Variants in MALRD1 observed in about 807,000 individuals in gnomAD.
MALRD1 encodes the protein MAM and LDL-receptor class A domain-containing protein 1.
Under a neutral mutation model 242.1 loss-of-function variants are expected in MALRD1, and 247 were observed. That is an observed-to-expected ratio of 1.02 (90% CI 0.92 to 1.13). The LOEUF is 1.13. Among genes scored for constraint, MALRD1 ranks in the 50% most tolerant of loss-of-function variants. The pLI, the probability that MALRD1 is intolerant of heterozygous loss-of-function variation, is 0.00. For synonymous variants in MALRD1, 995 were observed against 866.6 expected, an observed-to-expected ratio of 1.15 and a Z score of -2.60; for missense variants, 2,989 against 2,533.1, an observed-to-expected ratio of 1.18 and a Z score of -3.86.
chr10:19,083,071 A>G (rs1835545423), intron 2 of MALRD1, among the ~76,000 whole-genome samples: 1 of 151,982 alleles, frequency 6.6e-6, no homozygotes, highest in Non-Finnish European at 1.5e-5. Context: ...AAATCCATCC[A>G]TGAGGACTCT....
At chr10:19,687,775 CTT>C (rs937686066) in intron 36 of MALRD1, among the ~76,000 whole-genome samples, 20 of 152,138 alleles carry the variant, frequency 1.3e-4, no homozygotes, top group African/African-American at 4.8e-4. Context: ...ACTGAAATAA[CTT>C]TTGCACCAAT....
intron 28 of MALRD1, among the ~76,000 whole-genome samples, chr10:19,409,248 G>T (rs1313030372): frequency 3.3e-5 from 5 of 152,120 alleles, no homozygotes; most frequent in African/African-American, 7.2e-5. Context: ...CTAATTTTTT[G>T]ATTCCATTCA....
At chr10:19,580,519 T>G (rs1310506700) in intron 33 of MALRD1, among the ~76,000 whole-genome samples, 1 of 152,138 alleles carries the variant, frequency 6.6e-6, no homozygotes, top group Non-Finnish European at 1.5e-5. Flanking sequence ...AAACTCCTCT[T>G]TTATTAGTGA....
chr10:19,369,741 G>A (rs1182523279), intron 26 of MALRD1, among the ~76,000 whole-genome samples: 1 of 151,208 alleles, frequency 6.6e-6, no homozygotes, highest in Admixed American at 6.6e-5. Context: ...TTCCTCTATG[G>A]AGTATCTGTT....
intron 28 of MALRD1, among the ~76,000 whole-genome samples, chr10:19,438,617 C>A (rs1019572409): frequency 2.6e-5 from 4 of 152,102 alleles, no homozygotes; most frequent in African/African-American, 9.7e-5. Flanking sequence ...ACATTCTTAC[C>A]AACGTGCACA....
chr10:19,139,731 T>G (rs1833475964), intron 10 of MALRD1, among the ~76,000 whole-genome samples: 1 of 152,162 alleles, frequency 6.6e-6, no homozygotes. Flanking sequence ...TGGGTTTTGC[T>G]GCAGCAGCAG....
In MALRD1 at chr10:19,588,500, A is replaced by AG. The variant is rs139376067; in HGVS notation, c.5681-6694_5681-6693insG. 2.6e-3 allele frequency among the ~76,000 whole-genome samples: 395 copies of AG among 152,328 alleles called. 6 individuals carry two copies. In the East Asian group the frequency reaches 0.058, roughly 23 times the overall value. ...GGAAAACCTGAGTAAAGACCTGGTG[A>AG]AGTTGCTGTTGTAGTGATGCAATTA... is the stretch of plus-strand genomic sequence containing the variant. On this transcript the variant is annotated intron_variant, in intron 33 of 39. Transcript: ENST00000454679.
intron 5 of MALRD1, among the ~76,000 whole-genome samples, chr10:19,113,290 C>T (rs893117575): frequency 6.6e-6 from 1 of 152,064 alleles, no homozygotes; most frequent in Non-Finnish European, 1.5e-5. Context: ...TTTCAGTAGT[C>T]CAATGTCCTC....
chr10:19,279,917 A>T (rs1403830123), intron 19 of MALRD1, 130 bp from the exon 20 acceptor site: 3 of 599,976 alleles, frequency 5.0e-6, no homozygotes, highest in Non-Finnish European at 7.7e-6. Context: ...TTAGCAGAGT[A>T]GCTGATACTA....
At chr10:19,377,899 G>A (rs1378318237) in intron 26 of MALRD1, among the ~76,000 whole-genome samples, 1 of 152,000 alleles carries the variant, frequency 6.6e-6, no homozygotes, top group Non-Finnish European at 1.5e-5. Context: ...GCTTTGCCCA[G>A]TTCTATGAAA....
intron 26 of MALRD1, among the ~76,000 whole-genome samples, chr10:19,372,503 C>G (rs916144459): frequency 3.3e-5 from 5 of 151,140 alleles, no homozygotes; most frequent in East Asian, 3.9e-4. Context: ...GAGTTTCACT[C>G]TGTCACCCAG....
intron 25 of MALRD1, among the ~76,000 whole-genome samples, chr10:19,348,560 G>T (rs1844230632): frequency 1.3e-5 from 2 of 152,060 alleles, no homozygotes; most frequent in South Asian, 2.1e-4. Flanking sequence ...AACATGACTT[G>T]GTCATTAGCC....
At chr10:19,601,904 T>A (rs1838359892) in intron 34 of MALRD1, among the ~76,000 whole-genome samples, 1 of 152,068 alleles carries the variant, frequency 6.6e-6, no homozygotes, top group African/African-American at 2.4e-5. Flanking sequence ...TTATCTGATC[T>A]CTCAGCTTTT....
intron 36 of MALRD1, among the ~76,000 whole-genome samples, chr10:19,678,348 G>A (rs1311286633): frequency 6.6e-6 from 1 of 152,126 alleles, no homozygotes; most frequent in Admixed American, 6.6e-5. Flanking sequence ...CTTTCCTTGA[G>A]GAGAGGTTTG....
chr10:19,248,010 G>A (rs1251163732), intron 18 of MALRD1, among the ~76,000 whole-genome samples: 1 of 152,024 alleles, frequency 6.6e-6, no homozygotes, highest in African/African-American at 2.4e-5. Context: ...TTAGAGCTCA[G>A]CATTTGCCTT....
chr10:19,343,340 T>G (rs556729402), intron 24 of MALRD1, among the ~76,000 whole-genome samples: 1 of 152,138 alleles, frequency 6.6e-6, no homozygotes, highest in Non-Finnish European at 1.5e-5. Flanking sequence ...TACCTAACTA[T>G]GGTCCAGTAT....
chr10:19,058,215 G>A (rs1834723887), intron 1 of MALRD1, among the ~76,000 whole-genome samples: 1 of 152,146 alleles, frequency 6.6e-6, no homozygotes, highest in South Asian at 2.1e-4. Context: ...GGAGCAGCTG[G>A]AATTCACAAA....
At chr10:19,347,439 T>C (rs1156851023) in intron 24 of MALRD1, among the ~76,000 whole-genome samples, 2 of 152,166 alleles carry the variant, frequency 1.3e-5, no homozygotes. Flanking sequence ...ATAAATTTCT[T>C]ACCAAGACCT....
Position 19,204,295 on chromosome 10 carries a change from T to A in MALRD1, c.2105-13T>A. The A allele has an allele frequency of 1.3e-6, 2 of 1,495,496 alleles. No homozygotes were observed. The highest frequency in any genetic ancestry group is 8.9e-7 in the Non-Finnish European group (1 of 1,120,258). 92.6% of individuals were successfully genotyped at this position (1,495,496 alleles called of 1,614,324 possible). ...GTTAATGAAGCGTTTTTTTTTTTTT[T>A]TTATCTCAACAGGGCATTTTATGTT... On this transcript the variant is annotated splice_polypyrimidine_tract_variant and intron_variant, in intron 15 of 39. Coordinates refer to ENST00000454679, the MANE Select transcript of MALRD1 (RefSeq NM_001142308.3).
Sources: gnomAD v4.1 joint callset for allele counts (sites outside exome capture counted in the v4.1 genomes callset) on GRCh38, gnomAD v4.1.1 for gene constraint, MANE v1.5 for transcripts, NCBI Gene and HGNC (gene_info 2026-07-23, HGNC 2026-07-21) for gene names.